The following RANBP3L variants were observed in gnomAD, a reference collection of about 807,000 sequenced individuals.
The protein encoded by RANBP3L is ran-binding protein 3-like.
RANBP3L carries 56 observed loss-of-function variants against 67.2 expected under a neutral mutation model. The ratio of observed to expected loss-of-function variants is 0.83; its 90% CI spans 0.67 to 1.04. The LOEUF (loss-of-function observed/expected upper bound fraction) is 1.04. Ranked by LOEUF, RANBP3L falls within the 50% of genes least tolerant of loss-of-function variation. The pLI is 0.00. For synonymous variants in RANBP3L, 164 were observed against 181.4 expected, an observed-to-expected ratio of 0.90 and a Z score of 0.77; for missense variants, 496 against 535.5, an observed-to-expected ratio of 0.93 and a Z score of 0.73.
chr5:36,260,979 T>C, intron 7 of RANBP3L, 115 bp from the exon 8 acceptor site: 1 of 593,550 alleles, frequency 1.7e-6, no homozygotes, highest in Non-Finnish European at 3.0e-6. Flanking sequence ...CTGCTCACTT[T>C]TGTTAGTGTG....
chr5:36,298,696 C>T (rs1052979334), intron 1 of RANBP3L, among the ~76,000 whole-genome samples: 1 of 152,240 alleles, frequency 6.6e-6, no homozygotes, highest in Non-Finnish European at 1.5e-5. Flanking sequence ...AATGGCCAGT[C>T]TGGACTGCAT....
chr5:36,285,860 T>C (rs994219125), intron 1 of RANBP3L, among the ~76,000 whole-genome samples: 2 of 152,184 alleles, frequency 1.3e-5, no homozygotes, highest in African/African-American at 2.4e-5. Context: ...TTCAAGACCT[T>C]GGATTGCCTG....
chr5:36,295,978 A>G (rs1222455565), intron 1 of RANBP3L, among the ~76,000 whole-genome samples: 1 of 152,140 alleles, frequency 6.6e-6, no homozygotes, highest in African/African-American at 2.4e-5. Context: ...AATCATGCCT[A>G]CATAATGAAA....
chr5:36,294,270 T>C (rs1324960841), intron 1 of RANBP3L, among the ~76,000 whole-genome samples: 4 of 152,102 alleles, frequency 2.6e-5, no homozygotes, highest in Admixed American at 2.0e-4. Flanking sequence ...TTTTTTATTG[T>C]GTCTATTTGA....
Position 36,301,585 on chromosome 5 carries a change from C to A in RANBP3L, c.-169G>T, listed in dbSNP as rs564089996. 9 of 490,944 alleles carry A rather than the reference C, an allele frequency of 1.8e-5. No homozygotes were observed. The highest frequency in any genetic ancestry group is 1.5e-4 in the African/African-American group (8 of 52,630). 30.4% of individuals were successfully genotyped at this position (490,944 alleles called of 1,614,324 possible). The stretch of plus-strand genomic sequence containing the variant: ...ACTAAACTTCCAAGCTTTTTCCAGT[C>A]ATGATTCTTGAAATAAATAATCACC... On this transcript the variant is annotated 5_prime_UTR_variant, in exon 1 of 14. An upstream start codon of the reference 5' UTR is lost. Transcript: ENST00000296604.
At chr5:36,293,915 T>C (rs1751995970) in intron 1 of RANBP3L, among the ~76,000 whole-genome samples, 1 of 149,170 alleles carries the variant, frequency 6.7e-6, no homozygotes, top group African/African-American at 2.5e-5. Context: ...GCTGGCCTCA[T>C]AGAATGAGTT....
intron 4 of RANBP3L, among the ~76,000 whole-genome samples, chr5:36,267,486 C>G (rs941785210): frequency 1.9e-4 from 29 of 150,388 alleles, no homozygotes; most frequent in African/African-American, 7.2e-4. Context: ...CTAGCCTGGG[C>G]GACAGAGCCA....
At chr5:36,251,255 G>T (rs1419727019) in intron 13 of RANBP3L, 58 bp downstream of exon 13, 3 of 1,405,556 alleles carry the variant, frequency 2.1e-6, no homozygotes, top group East Asian at 4.6e-5. Context: ...AATATATTAG[G>T]ATCGTGCTTA....
chr5:36,254,214 T>C (rs1306314815), intron 11 of RANBP3L, among the ~76,000 whole-genome samples: 1 of 151,812 alleles, frequency 6.6e-6, no homozygotes, highest in African/African-American at 2.4e-5. Context: ...TTTATTGATG[T>C]GAAAAATCAT....
rs1748576486 is a variant in RANBP3L at position 36,251,336 on chromosome 5, A to G, written c.1331T>C (p.Ile444Thr). 1 of 1,612,360 alleles carries G rather than the reference A, an allele frequency of 6.2e-7. No homozygotes were observed. The highest frequency in any genetic ancestry group is 8.5e-7 in the Non-Finnish European group (1 of 1,179,186). Residue 444 changes from isoleucine (I) to threonine (T), a missense_variant, in exon 13 of 14, where the codon ATC becomes ACC. Physicochemically the swap from Ile to Thr is moderately conservative, Grantham distance 89 (BLOSUM62 -1). Coordinates refer to ENST00000296604, the MANE Select transcript of RANBP3L (RefSeq NM_145000.5). Reference protein sequence around the residue: ...ESCDENEDDFIQVTKNGSDPS... With the variant: ...ESCDENEDDFTQVTKNGSDPS... ...ACCTGATCCATTTTTAGTGACTTGGATGAAATCATCCTCATTCTCATCACA... is the reference window on the plus strand; with the variant it reads ...ACCTGATCCATTTTTAGTGACTTGGGTGAAATCATCCTCATTCTCATCACA...
intron 1 of RANBP3L, 113 bp downstream of exon 1, chr5:36,301,213 C>A: frequency 2.7e-6 from 2 of 746,276 alleles, no homozygotes. Context: ...CACCCTTATG[C>A]ATCACTATTA....
intron 7 of RANBP3L, 104 bp from the exon 8 acceptor site, chr5:36,260,968 A>T: frequency 1.6e-6 from 1 of 611,146 alleles, no homozygotes; most frequent in Non-Finnish European, 2.9e-6. Flanking sequence ...AATCAAATTT[A>T]CTGCTCACTT....
At chr5:36,283,469 T>C (rs1751117093) in intron 1 of RANBP3L, among the ~76,000 whole-genome samples, 1 of 151,944 alleles carries the variant, frequency 6.6e-6, no homozygotes, top group African/African-American at 2.4e-5. Flanking sequence ...AAAGTTTGTC[T>C]TGTTAAATAA....
chr5:36,269,315 T>C (rs1197181094), intron 4 of RANBP3L, 75 bp downstream of exon 4: 1 of 890,100 alleles, frequency 1.1e-6, no homozygotes, highest in East Asian at 2.4e-5. Context: ...CATTACCCTT[T>C]TGAAAAGTTT....
intron 1 of RANBP3L, among the ~76,000 whole-genome samples, chr5:36,283,118 AG>A (rs1305300611): frequency 3.3e-5 from 5 of 152,136 alleles, no homozygotes; most frequent in Non-Finnish European, 7.4e-5. Context: ...ATGCCTGGCT[AG>A]CTCAGTTGGC....
At position 36,247,854 on chromosome 5, in the gene RANBP3L, C is replaced by T. The variant is rs1341422794; in HGVS notation, c.*1800G>A. ...AGTGAGCCGAAATCGTGCCACTGCA[C>T]TCCAACCTGGGTGACAGAGCGAGAC... On this transcript the variant is annotated 3_prime_UTR_variant, in exon 14 of 14. Transcript: ENST00000296604. Among the ~76,000 whole-genome samples the T allele has an allele frequency of 1.3e-5, 2 of 152,234 alleles. No individual in the cohort carries two copies. Among genetic ancestry groups the T allele is most frequent in the Non-Finnish European group, 2.9e-5 (2 of 68,038 alleles).
intron 1 of RANBP3L, among the ~76,000 whole-genome samples, chr5:36,293,990 T>G (rs1331348726): frequency 6.6e-6 from 1 of 152,146 alleles, no homozygotes; most frequent in Non-Finnish European, 1.5e-5. Context: ...CAGTTCCTCC[T>G]TGTACCTCTG....
intron 13 of RANBP3L, among the ~76,000 whole-genome samples, chr5:36,250,840 C>G (rs932388966): frequency 6.6e-6 from 1 of 151,866 alleles, no homozygotes; most frequent in African/African-American, 2.4e-5. Flanking sequence ...GTACTTTTTC[C>G]CCTAGATAAA....
intron 8 of RANBP3L, among the ~76,000 whole-genome samples, chr5:36,258,372 G>A (rs1295624189): frequency 1.3e-5 from 2 of 152,054 alleles, no homozygotes; most frequent in East Asian, 3.8e-4. Context: ...TACTTAACTA[G>A]ACATCAAGAT....
Sources: allele counts gnomAD v4.1 joint callset (sites outside exome capture counted in the v4.1 genomes callset), GRCh38; gene constraint gnomAD v4.1.1; transcripts MANE v1.5; gene names NCBI Gene and HGNC (gene_info 2026-07-23, HGNC 2026-07-21).